Variants in KIAA0513 observed in about 807,000 individuals in gnomAD.
KIAA0513 encodes uncharacterized protein KIAA0513.
A neutral mutation model predicts 56.5 loss-of-function variants in KIAA0513; 39 were observed. That is an observed-to-expected ratio of 0.69 (90% CI 0.53 to 0.90). The LOEUF (loss-of-function observed/expected upper bound fraction) is 0.90, where lower values mean the gene tolerates loss of function less well. KIAA0513 is among the 40% of genes least tolerant of loss of function. The pLI is 0.00. For missense variants in KIAA0513, 591 were observed against 535.2 expected (o/e 1.10, Z -1.03); for synonymous variants, 268 against 215.6 (o/e 1.24, Z -2.13).
intron 1 of KIAA0513, among the ~76,000 whole-genome samples, chr16:85,046,551 C>G (rs952051493): frequency 1.3e-5 from 2 of 152,230 alleles, no homozygotes; most frequent in African/African-American, 4.8e-5. Context: ...AATCCCTTCC[C>G]TTCTACAGAT....
chr16:85,065,875 C>G (rs1474156036), intron 1 of KIAA0513, among the ~76,000 whole-genome samples: 2 of 152,208 alleles, frequency 1.3e-5, no homozygotes, highest in Non-Finnish European at 2.9e-5. Flanking sequence ...ATTCAGATCC[C>G]AGCTCTGCCA....
At position 85,054,277 on chromosome 16, in the gene KIAA0513, G is replaced by A. The variant is rs553489564; in HGVS notation, c.-172-12623G>A. 9.2e-5 allele frequency among the ~76,000 whole-genome samples: 14 copies of A among 152,256 alleles called. No homozygotes were observed. In the South Asian group the frequency reaches 2.9e-3, roughly 32 times the overall value. On this transcript the variant is annotated intron_variant, in intron 1 of 12. Coordinates refer to ENST00000683363, the MANE Select transcript of KIAA0513 (RefSeq NM_001388359.1). Reference sequence around the variant, plus strand: ...ATTACTTAGACATAGATTGTTATGTGTCACCTTGGTCCATAAGAAAGAAAA... The same window carrying A: ...ATTACTTAGACATAGATTGTTATGTATCACCTTGGTCCATAAGAAAGAAAA...
intron 2 of KIAA0513, among the ~76,000 whole-genome samples, chr16:85,067,753 C>A (rs890941059): frequency 2.0e-5 from 3 of 152,160 alleles, no homozygotes; most frequent in Non-Finnish European, 2.9e-5. Context: ...GCTCACAGGT[C>A]CCCATCATCC....
chr16:85,080,112 C>T (rs944890908), intron 8 of KIAA0513, among the ~76,000 whole-genome samples: 1 of 152,120 alleles, frequency 6.6e-6, no homozygotes, highest in African/African-American at 2.4e-5. Context: ...GGGCAGAGGG[C>T]AGAGGGCAGG....
rs11403480 is a variant in KIAA0513, at chr16:85,064,005, C to CTTT, written c.-172-2879_-172-2877dup. 9.1e-4 allele frequency among the ~76,000 whole-genome samples: 114 copies of CTTT among 124,866 alleles called. 4 individuals are homozygous for CTTT. Among genetic ancestry groups the CTTT allele is most frequent in the South Asian group, 3.3e-3 (13 of 3,988 alleles). 81.9% of individuals were successfully genotyped at this position (124,866 alleles called of 152,430 possible). A position where few individuals can be genotyped will look rare whatever the true frequency, so the allele number is the denominator to read the frequency against. ...CCATTTTACTATATTTATTTATTTACTTTTTTTTTTTTTTTTTTGAGGTGG... is the reference window on the plus strand; with the variant it reads ...CCATTTTACTATATTTATTTATTTACTTTTTTTTTTTTTTTTTTTTTGAGGTGG... On this transcript the variant is annotated intron_variant, in intron 1 of 12. Transcript: ENST00000683363.
intron 1 of KIAA0513, among the ~76,000 whole-genome samples, chr16:85,055,739 C>T (rs534249101): frequency 6.6e-6 from 1 of 152,288 alleles, no homozygotes; most frequent in East Asian, 1.9e-4. Flanking sequence ...TTTCCATTTG[C>T]CCTTCTTCTC....
chr16:85,053,578 C>G (rs1354669255), intron 1 of KIAA0513, among the ~76,000 whole-genome samples: 1 of 152,188 alleles, frequency 6.6e-6, no homozygotes, highest in East Asian at 1.9e-4. Context: ...CATGTTTTAT[C>G]AAACTTAACA....
intron 10 of KIAA0513, among the ~76,000 whole-genome samples, chr16:85,084,430 T>C (rs959657568): frequency 0.48 from 35,883 of 74,800 alleles, 6,513 homozygotes; most frequent in Middle Eastern, 0.56. Context: ...TTTCGTTCTC[T>C]TTTTTTTTTT....
At chr16:85,030,029 A>G (rs909332768) in intron 1 of KIAA0513, among the ~76,000 whole-genome samples, 3 of 152,130 alleles carry the variant, frequency 2.0e-5, no homozygotes, top group Non-Finnish European at 4.4e-5. Flanking sequence ...AGTGGGGCGG[A>G]TCCGGGTGGT....
At chr16:85,078,874 C>A in intron 7 of KIAA0513, 51 bp from the exon 8 acceptor site, 3 of 1,600,986 alleles carry the variant, frequency 1.9e-6, no homozygotes, top group Non-Finnish European at 1.7e-6. Flanking sequence ...GGTTTGCCAA[C>A]AGTGGGTGCG....
intron 12 of KIAA0513, among the ~76,000 whole-genome samples, chr16:85,088,062 G>A (rs1312317362): frequency 5.3e-5 from 8 of 152,242 alleles, no homozygotes; most frequent in Non-Finnish European, 8.8e-5. Flanking sequence ...CAGGCGGCGT[G>A]CTGGCCAAGA....
In KIAA0513 at chr16:85,086,694, T is replaced by A; in HGVS notation, c.1061T>A (p.Phe354Tyr). The change falls in exon 11 of 13, where the codon TTC (phenylalanine) becomes TAC (tyrosine). Residue 354 changes from phenylalanine (F) to tyrosine (Y), a missense_variant. Physicochemically the swap from Phe to Tyr is conservative, Grantham distance 22 (BLOSUM62 3). Transcript: ENST00000683363. ...GAGGAGCGCGACGACAGCCTCCGGT[T>A]CAACGAGAACATCACCTTCGGGCAG... is the stretch of plus-strand genomic sequence containing the variant. Reference protein sequence around the residue: ...TQEERDDSLRFNENITFGQLG... With the variant: ...TQEERDDSLRYNENITFGQLG... 1 of 1,613,830 alleles carries A rather than the reference T, an allele frequency of 6.2e-7. No individual in the cohort carries two copies. Among genetic ancestry groups the A allele is most frequent in the Non-Finnish European group, 8.5e-7 (1 of 1,179,982 alleles).
intron 1 of KIAA0513, among the ~76,000 whole-genome samples, chr16:85,058,468 C>A (rs2073359816): frequency 6.6e-6 from 1 of 152,132 alleles, no homozygotes; most frequent in Non-Finnish European, 1.5e-5. Context: ...GCCTGATCAA[C>A]GTGGTGAAAC....
chr16:85,057,092 A>G (rs2073340805), intron 1 of KIAA0513, among the ~76,000 whole-genome samples: 1 of 152,300 alleles, frequency 6.6e-6, no homozygotes, highest in South Asian at 2.1e-4. Context: ...TGCCCTGTAC[A>G]TAGCACCTCC....
chr16:85,065,967 G>A (rs1232795730), intron 1 of KIAA0513, among the ~76,000 whole-genome samples: 3 of 152,196 alleles, frequency 2.0e-5, no homozygotes, highest in African/African-American at 7.2e-5. Context: ...GCAAGCACAC[G>A]ACACACATGC....
chr16:85,047,846 C>T (rs529918245), intron 1 of KIAA0513, among the ~76,000 whole-genome samples: 4 of 152,270 alleles, frequency 2.6e-5, no homozygotes, highest in East Asian at 3.9e-4. Flanking sequence ...GCAAACTCAC[C>T]GCAACCTTGG....
At chr16:85,077,947 A>T (rs1219659008) in intron 6 of KIAA0513, among the ~76,000 whole-genome samples, 3 of 152,140 alleles carry the variant, frequency 2.0e-5, no homozygotes, top group Admixed American at 2.0e-4. Context: ...CTGGACCAAC[A>T]GTGAGTGCTT....
chr16:85,049,183 A>T (rs1044786103), intron 1 of KIAA0513, among the ~76,000 whole-genome samples: 7 of 152,262 alleles, frequency 4.6e-5, no homozygotes, highest in African/African-American at 1.7e-4. Flanking sequence ...TGTCACGGGT[A>T]GGCAGGGACA....
intron 1 of KIAA0513, among the ~76,000 whole-genome samples, chr16:85,032,690 G>A (rs72803558): frequency 0.061 from 9,197 of 151,804 alleles, 294 homozygotes; most frequent in East Asian, 0.077. Context: ...GAGTGCGGTG[G>A]CACAATCTTG....
Sources: allele counts gnomAD v4.1 joint callset (sites outside exome capture counted in the v4.1 genomes callset), GRCh38; gene constraint gnomAD v4.1.1; transcripts MANE v1.5; gene names NCBI Gene and HGNC (gene_info 2026-07-23, HGNC 2026-07-21).